CYLD: variants seen among roughly 807,000 people sequenced by gnomAD.
CYLD encodes the protein CYLD lysine 63 deubiquitinase, also known as ubiquitin carboxyl-terminal hydrolase CYLD.
Under a neutral mutation model 104.5 loss-of-function variants are expected in CYLD, and 26 were observed. That is an observed-to-expected ratio of 0.25 (90% confidence interval 0.18 to 0.35). CYLD has a LOEUF of 0.35. Ranked by LOEUF, CYLD falls within the 10% of genes least tolerant of loss-of-function variation. The pLI, the probability that CYLD is intolerant of heterozygous loss-of-function variation, is 1.00. For missense variants in CYLD, 703 were observed against 1,136.1 expected, an observed-to-expected ratio of 0.62 and a Z score of 5.48; for synonymous variants, 385 against 399.9, an observed-to-expected ratio of 0.96 and a Z score of 0.45.
intron 14 of CYLD, 36 bp downstream of exon 14, chr16:50,787,888 T>A: frequency 8.4e-7 from 1 of 1,193,364 alleles, no homozygotes; most frequent in Non-Finnish European, 1.2e-6. Context: ...ATTGGAAAAA[T>A]AGACAATTCT....
chr16:50,758,837 T>C (rs763357226), intron 5 of CYLD, among the ~76,000 whole-genome samples: 4 of 152,202 alleles, frequency 2.6e-5, no homozygotes, highest in African/African-American at 4.8e-5. Context: ...TTGATCATGT[T>C]AAAATTGAGT....
intron 16 of CYLD, among the ~76,000 whole-genome samples, chr16:50,793,115 TAC>T (rs3064638): frequency 0.073 from 10,553 of 144,500 alleles, 800 homozygotes; most frequent in African/African-American, 0.19. Flanking sequence ...AGGAGCCATA[TAC>T]ACACACACAC....
chr16:50,782,959 C>G (rs1267824340), intron 11 of CYLD, among the ~76,000 whole-genome samples: 2 of 124,506 alleles, frequency 1.6e-5, no homozygotes, highest in African/African-American at 6.2e-5. Context: ...GAGTCTCACT[C>G]TGTCCCCCAG....
intron 4 of CYLD, among the ~76,000 whole-genome samples, 185 bp from the exon 5 acceptor site, chr16:50,754,134 A>G (rs1004738243): frequency 7.9e-5 from 12 of 152,180 alleles, no homozygotes. Flanking sequence ...AAATGAACAA[A>G]CCAATGAAAA....
rs552601398 is a variant in CYLD, at chr16:50,742,827, G to T, written c.-138G>T. 3 of 362,016 alleles carry T rather than the reference G, an allele frequency of 8.3e-6. No individual in the cohort carries two copies. In the East Asian group the frequency reaches 1.2e-4, roughly 15 times the overall value. The allele number at this position is 362,016 out of a possible 1,614,324, so 22.4% of individuals were successfully genotyped here. On this transcript the variant is annotated 5_prime_UTR_variant, in exon 2 of 19. Transcript: ENST00000427738. Reference sequence around the variant, plus strand: ...CCGGAGTTCCTTAGTTGAAAGGTGCGCCCTGCTGTGACAGGTATTCTTTCT... The same window carrying T: ...CCGGAGTTCCTTAGTTGAAAGGTGCTCCCTGCTGTGACAGGTATTCTTTCT...
chr16:50,777,348 A>G (rs2150984863), intron 7 of CYLD, among the ~76,000 whole-genome samples: 1 of 152,320 alleles, frequency 6.6e-6, no homozygotes, highest in South Asian at 2.1e-4. Context: ...GAATTTGATG[A>G]CCAAAAATTC....
intron 5 of CYLD, among the ~76,000 whole-genome samples, chr16:50,773,312 G>C (rs369000043): frequency 1.6e-4 from 24 of 152,306 alleles, no homozygotes; most frequent in African/African-American, 5.8e-4. Context: ...ATCAACAAGT[G>C]ATGGATAAGC....
At position 50,774,715 on chromosome 16, in the gene CYLD, T is replaced by C. The variant is rs73584468; in HGVS notation, c.914-451T>C. Reference sequence around the variant, plus strand: ...AGGATGGTGCAAGATTTCGTTATAATACTCAAAACAGCATGCAACTTAAAA... The same window carrying C: ...AGGATGGTGCAAGATTTCGTTATAACACTCAAAACAGCATGCAACTTAAAA... On this transcript the variant is annotated intron_variant, in intron 5 of 18. Transcript: ENST00000427738. Among the ~76,000 whole-genome samples the C allele has an allele frequency of 7.8e-3, 1,189 of 152,300 alleles. 18 individuals carry two copies. The highest frequency in any genetic ancestry group is 0.028 in the African/African-American group (1,150 of 41,570).
rs183197220 is a variant in CYLD, at chr16:50,794,958, T to A, written c.2686+530T>A. On this transcript the variant is annotated intron_variant, in intron 18 of 18. Transcript: ENST00000427738. This position sits in a 1 kb window ranked among gnomAD's most constrained non-coding sequence, Gnocchi z 4.1. ...TTTTGACATGCATATGCTCTTTTTT[T>A]AAAAAAAAGAATCCTAAAATTCTTA... The A allele has an allele frequency of 6.0e-5, 10 of 165,808 alleles. No homozygotes were observed. The highest frequency in any genetic ancestry group is 1.8e-4 in the East Asian group (1 of 5,708). The allele number at this position is 165,808 out of a possible 1,614,324, so 10.3% of individuals were successfully genotyped here.
chr16:50,762,658 T>C (rs1238061005), intron 5 of CYLD, among the ~76,000 whole-genome samples: 1 of 152,242 alleles, frequency 6.6e-6, no homozygotes, highest in Non-Finnish European at 1.5e-5. Flanking sequence ...TTGCAATTAA[T>C]CTGTAGAACA....
rs769535685 is a variant in CYLD, at chr16:50,794,171, C to T, written c.2470-41C>T. On this transcript the variant is annotated intron_variant, in intron 17 of 18. Transcript: ENST00000427738. The surrounding 1 kb of genome is among the most constrained non-coding windows in gnomAD (Gnocchi z 4.1). ...TTGAACTCCTGACCTCGTGATCCAC[C>T]AGCCTCGGCCTAATGACATTCTTTT... 1.3e-6 allele frequency: 2 copies of T among 1,565,502 alleles called. No individual in the cohort carries two copies. Among genetic ancestry groups the T allele is most frequent in the Admixed American group, 3.3e-5 (2 of 59,946 alleles).
intron 12 of CYLD, chr16:50,785,876 A>T (rs1018132110): frequency 7.2e-5 from 11 of 152,210 alleles, no homozygotes; most frequent in African/African-American, 2.4e-4. Context: ...TTACGTTACT[A>T]TGTAAGTGGT....
At chr16:50,786,697 T>C in intron 12 of CYLD, 158 bp from the exon 13 acceptor site, 1 of 587,556 alleles carries the variant, frequency 1.7e-6, no homozygotes, top group South Asian at 2.1e-5. Flanking sequence ...AAGGCGGAGG[T>C]TGCAGTGAGC....
At chr16:50,775,322 G>A (rs1340815473) in intron 6 of CYLD, 148 bp downstream of exon 6, 1 of 535,948 alleles carries the variant, frequency 1.9e-6, no homozygotes, top group Non-Finnish European at 3.2e-6. Flanking sequence ...GTCTAGAGTG[G>A]TCTTTGTATT....
In CYLD at chr16:50,779,999, C is replaced by T. The variant is rs75757530; in HGVS notation, c.1473C>T (p.Ile491=). The T allele has an allele frequency of 1.4e-3, 2,238 of 1,614,114 alleles. 24 individuals are homozygous for T. The African/African-American group carries it at 0.026, about 19-fold the overall frequency. ...CTTTCTATGGGGTAATCCGTTGGAT[C>T]GGTCAGCCACCAGGACTGAATGAAG... ...NPPFYGVIRW[I]GQPPGLNEVL... The change falls in exon 9 of 19, where the codon ATC becomes ATT. Residue 491 remains isoleucine (I), a synonymous_variant. Coordinates refer to ENST00000427738, the MANE Select transcript of CYLD (RefSeq NM_001378743.1).
Position 50,796,819 on chromosome 16 carries a change from T to C in CYLD, c.*311T>C. The C allele has an allele frequency of 1.2e-5, 5 of 401,442 alleles. No individual in the cohort carries two copies. The highest frequency in any genetic ancestry group is 1.1e-4 in the South Asian group (4 of 34,818). The allele number at this position is 401,442 out of a possible 1,614,324, so 24.9% of individuals were successfully genotyped here. ...TATTTTTGGAAGCATACAATTTTAA[T>C]TGTGGAAGTTTAAAGCCTCTTTTAG... On this transcript the variant is annotated 3_prime_UTR_variant, in exon 19 of 19. Transcript: ENST00000427738.
chr16:50,784,741 C>G (rs375354369), intron 12 of CYLD: 3 of 331,442 alleles, frequency 9.1e-6, no homozygotes, highest in Non-Finnish European at 1.7e-5. Context: ...AAAGCTAATA[C>G]ATAATACTTA....
intron 4 of CYLD, among the ~76,000 whole-genome samples, chr16:50,753,045 A>G (rs1275519234): frequency 1.3e-5 from 2 of 152,220 alleles, no homozygotes; most frequent in Non-Finnish European, 2.9e-5. Flanking sequence ...GCTTTTAGTC[A>G]TCATTTTTAT....
intron 5 of CYLD, among the ~76,000 whole-genome samples, chr16:50,754,999 A>T (rs1596984660): frequency 8.0e-5 from 1 of 12,542 alleles, no homozygotes; most frequent in South Asian, 1.2e-3. Context: ...ATATATATGT[A>T]TATATACATA....
Sources: gnomAD v4.1 joint callset for allele counts (sites outside exome capture counted in the v4.1 genomes callset) on GRCh38, gnomAD v4.1.1 for gene constraint, Gnocchi (gnomAD v3.1) non-coding constraint, MANE v1.5 for transcripts, NCBI Gene and HGNC (gene_info 2026-07-23, HGNC 2026-07-21) for gene names.